The following SUMF1 variants were observed in gnomAD, a reference collection of about 807,000 sequenced individuals.
SUMF1 encodes the protein sulfatase modifying factor 1.
A neutral mutation model predicts 47.6 loss-of-function variants in SUMF1; 48 were observed. That is an observed-to-expected ratio of 1.01 (90% CI 0.80 to 1.28). SUMF1 has a LOEUF of 1.28. Among genes scored for constraint, SUMF1 ranks in the 50% most tolerant of loss-of-function variants. The probability of loss-of-function intolerance (pLI) is 0.00; values close to 1 mark genes in which losing one functional copy is unlikely to be tolerated. For synonymous variants in SUMF1, 230 were observed against 192.1 expected (o/e 1.20, Z -1.63); for missense variants, 571 against 485.4 (o/e 1.18, Z -1.66).
intron 7 of SUMF1, among the ~76,000 whole-genome samples, chr3:4,387,966 T>C (rs1700727587): frequency 6.6e-6 from 1 of 152,096 alleles, no homozygotes; most frequent in South Asian, 2.1e-4. Context: ...TAAAAATTTG[T>C]TGAGGTTCAT....
At chr3:4,226,371 A>G (rs1031849072) in intron 8 of SUMF1, among the ~76,000 whole-genome samples, 4 of 148,228 alleles carry the variant, frequency 2.7e-5, no homozygotes, top group African/African-American at 5.0e-5. Flanking sequence ...CTGGGTTAAA[A>G]CGATTCTCCT....
At chr3:4,226,456 G>A (rs1696177654) in intron 8 of SUMF1, among the ~76,000 whole-genome samples, 1 of 151,596 alleles carries the variant, frequency 6.6e-6, no homozygotes, top group Non-Finnish European at 1.5e-5. Context: ...TTTTAGTAGA[G>A]ACGGGGTTTC....
At chr3:4,148,322 A>C (rs997536998) in intron 8 of SUMF1, among the ~76,000 whole-genome samples, 8 of 152,134 alleles carry the variant, frequency 5.3e-5, no homozygotes, top group Non-Finnish European at 1.0e-4. Flanking sequence ...TATAGTTACA[A>C]GTAGTGTTTC....
intron 8 of SUMF1, among the ~76,000 whole-genome samples, chr3:4,074,904 C>G (rs1203624404): frequency 6.6e-6 from 1 of 152,006 alleles, no homozygotes; most frequent in Non-Finnish European, 1.5e-5. Context: ...GAACCAAATT[C>G]CACCAGACGT....
At chr3:4,223,654 C>T (rs313686) in intron 8 of SUMF1, among the ~76,000 whole-genome samples, 29,906 of 151,918 alleles carry the variant, frequency 0.2, 3,651 homozygotes, top group South Asian at 0.38. Flanking sequence ...CCTGAATTTT[C>T]TTCTATACTC....
intron 8 of SUMF1, among the ~76,000 whole-genome samples, chr3:4,347,198 C>T (rs534599273): frequency 6.6e-6 from 1 of 152,332 alleles, no homozygotes; most frequent in South Asian, 2.1e-4. Context: ...CCAATATCAT[C>T]CTGATACCAA....
intron 9 of SUMF1, among the ~76,000 whole-genome samples, chr3:4,065,570 C>G (rs952133588): frequency 3.3e-5 from 5 of 152,102 alleles, no homozygotes; most frequent in African/African-American, 1.2e-4. Flanking sequence ...ACAAAGCATT[C>G]ACATACATTA....
In SUMF1 at chr3:4,331,803, C is replaced by G. The variant is rs547623115; in HGVS notation, c.1014+44527G>C. 1.4e-4 allele frequency among the ~76,000 whole-genome samples: 21 copies of G among 152,186 alleles called. No homozygotes were observed. In the South Asian group the frequency reaches 4.4e-3, roughly 32 times the overall value. ...CAAGATCGCGCCACTGCACTCTAGCCTAGGTAACAGAGCAAGACTCCATCT... is the reference window on the plus strand; with the variant it reads ...CAAGATCGCGCCACTGCACTCTAGCGTAGGTAACAGAGCAAGACTCCATCT... On this transcript the variant is annotated intron_variant and NMD_transcript_variant, in intron 8 of 12. Coordinates refer to the SUMF1 transcript ENST00000448413.
At chr3:4,331,516 T>A (rs1182604473) in intron 8 of SUMF1, among the ~76,000 whole-genome samples, 11 of 152,326 alleles carry the variant, frequency 7.2e-5, no homozygotes, top group Non-Finnish European at 1.5e-4. Flanking sequence ...GGCCTAGTCA[T>A]AGCCTAAAAA....
At chr3:4,135,026 C>T (rs565703233) in intron 8 of SUMF1, among the ~76,000 whole-genome samples, 30 of 152,210 alleles carry the variant, frequency 2.0e-4, no homozygotes, top group African/African-American at 6.0e-4. Context: ...GATTCACAGC[C>T]GAATTCTACC....
intron 8 of SUMF1, among the ~76,000 whole-genome samples, chr3:4,291,281 G>A (rs973642083): frequency 2.6e-5 from 4 of 152,036 alleles, no homozygotes; most frequent in Non-Finnish European, 5.9e-5. Flanking sequence ...GATCATTATA[G>A]GAGACATAAA....
At chr3:4,405,811 GA>G in intron 7 of SUMF1, among the ~76,000 whole-genome samples, 1 of 152,162 alleles carries the variant, frequency 6.6e-6, no homozygotes, top group African/African-American at 2.4e-5. Flanking sequence ...AAAACAAACT[GA>G]ATCTCTGGCT....
intron 8 of SUMF1, among the ~76,000 whole-genome samples, chr3:4,224,435 CTT>C (rs1696131900): frequency 6.6e-6 from 1 of 152,046 alleles, no homozygotes; most frequent in African/African-American, 2.4e-5. Context: ...TTCCCCATCT[CTT>C]ATTTTTATAA....
intron 8 of SUMF1, among the ~76,000 whole-genome samples, chr3:4,192,177 G>A (rs912418571): frequency 1.3e-5 from 2 of 152,074 alleles, no homozygotes; most frequent in Non-Finnish European, 2.9e-5. Context: ...GTAAGGCAGG[G>A]AGAAAAGTAT....
At chr3:4,061,243 T>A (rs1695271965) in intron 9 of SUMF1, among the ~76,000 whole-genome samples, 1 of 152,112 alleles carries the variant, frequency 6.6e-6, no homozygotes, top group Non-Finnish European at 1.5e-5. Flanking sequence ...ATCCTCCCAA[T>A]CTTAAAAGTG....
At chr3:4,415,199 C>A (rs1027900881) in intron 6 of SUMF1, among the ~76,000 whole-genome samples, 5 of 147,308 alleles carry the variant, frequency 3.4e-5, no homozygotes, top group Non-Finnish European at 7.4e-5. Context: ...TGCACTCCAG[C>A]CTCGGCAACA....
At chr3:4,281,155 G>A (rs1029792928) in intron 8 of SUMF1, among the ~76,000 whole-genome samples, 2 of 152,134 alleles carry the variant, frequency 1.3e-5, no homozygotes, top group East Asian at 1.9e-4. Context: ...GATAAGAAGA[G>A]CATGGTGAAG....
intron 8 of SUMF1, among the ~76,000 whole-genome samples, chr3:4,072,059 G>C (rs559448401): frequency 6.6e-6 from 1 of 152,128 alleles, no homozygotes; most frequent in Non-Finnish European, 1.5e-5. Flanking sequence ...TTGGCATCTG[G>C]CAGGTGCCCC....
intron 7 of SUMF1, among the ~76,000 whole-genome samples, chr3:4,402,909 G>C (rs1297204839): frequency 1.3e-5 from 2 of 152,202 alleles, no homozygotes; most frequent in Admixed American, 6.5e-5. Context: ...CCTAGCCTGA[G>C]ATCAACACGG....
Sources: allele counts gnomAD v4.1 joint callset (sites outside exome capture counted in the v4.1 genomes callset), GRCh38; gene constraint gnomAD v4.1.1; transcripts MANE v1.5; gene names NCBI Gene and HGNC (gene_info 2026-07-23, HGNC 2026-07-21).